The following LETM1 variants were observed in gnomAD, a reference collection of about 807,000 sequenced individuals.
LETM1 encodes leucine zipper and EF-hand containing transmembrane protein 1.
Under a neutral mutation model 74.5 loss-of-function variants are expected in LETM1, and 50 were observed. The observed-to-expected ratio is 0.67, with a 90% confidence interval of 0.53 to 0.85. LETM1 has a LOEUF of 0.85. Among genes scored for constraint, LETM1 ranks in the 40% least tolerant of loss-of-function variants. LETM1 has a pLI of 0.00. For synonymous variants in LETM1, 446 were observed against 407.1 expected, an observed-to-expected ratio of 1.10 and a Z score of -1.15; for missense variants, 824 against 967.8, an observed-to-expected ratio of 0.85 and a Z score of 1.97.
chr4:1,823,686 G>T lies in LETM1; in HGVS notation c.1290C>A (p.Ala430=), dbSNP rs199973293. ...AMYLPDTLSP[A]DQLKSTLQTL... Reference sequence around the variant, plus strand: ...TCTGCAGTGTGGACTTGAGCTGGTCGGCTGGAGAGAGGGTGTCCGGGAGGT... The same window carrying T: ...TCTGCAGTGTGGACTTGAGCTGGTCTGCTGGAGAGAGGGTGTCCGGGAGGT... The change falls in exon 8 of 14, where the codon GCC becomes GCA. Residue 430 remains alanine (A), a synonymous_variant. Transcript: ENST00000302787. 1.9e-6 allele frequency: 3 copies of T among 1,614,006 alleles called. No individual in the cohort carries two copies. The East Asian group carries it at 6.7e-5, about 36-fold the overall frequency.
intron 13 of LETM1, among the ~76,000 whole-genome samples, chr4:1,814,921 C>CA (rs938418878): frequency 3.9e-5 from 6 of 152,182 alleles, no homozygotes; most frequent in African/African-American, 1.4e-4. Flanking sequence ...CCCACTCTGC[C>CA]ACCCAGACTA....
chr4:1,818,437 C>T (rs970358433), intron 11 of LETM1, among the ~76,000 whole-genome samples: 2 of 151,778 alleles, frequency 1.3e-5, no homozygotes, highest in Admixed American at 1.3e-4. Context: ...CATGGTGAAA[C>T]CCTGTCTCTA....
intron 13 of LETM1, among the ~76,000 whole-genome samples, chr4:1,815,413 C>T (rs537268160): frequency 1.3e-5 from 2 of 152,308 alleles, no homozygotes; most frequent in South Asian, 4.1e-4. Flanking sequence ...GGGGCGGGGT[C>T]CAGGGACATG....
At chr4:1,847,093 G>C (rs557473555) in intron 2 of LETM1, among the ~76,000 whole-genome samples, 10 of 152,296 alleles carry the variant, frequency 6.6e-5, no homozygotes, top group African/African-American at 2.4e-4. Context: ...CACTTTGGGA[G>C]GCCAAAGGCA....
intron 11 of LETM1, 86 bp downstream of exon 11, chr4:1,819,252 C>G (rs951694074): frequency 1.5e-6 from 2 of 1,338,886 alleles, no homozygotes; most frequent in Non-Finnish European, 2.0e-6. Context: ...AAGTATCTGA[C>G]GGAAGTATTA....
At position 1,836,443 on chromosome 4, in the gene LETM1, T is replaced by G; in HGVS notation, c.724A>C (p.Thr242Pro). The change falls in exon 4 of 14, where the codon ACT becomes CCT. Residue 242 changes from threonine (T) to proline (P), a missense_variant. Coordinates refer to ENST00000302787, the MANE Select transcript of LETM1 (RefSeq NM_012318.3). The surrounding 1 kb of genome is among the most constrained non-coding windows in gnomAD (Gnocchi z 5.8). ...GCTGCCCTTACCTTGAGTGACTGAG[T>G]CTCAAATGTGGATGGCAACATGTTG... ...FPNMLPSTFE[T>P]QSLKEERLKK... 2 of 1,613,456 alleles carry G rather than the reference T, an allele frequency of 1.2e-6. No individual in the cohort carries two copies. The highest frequency in any genetic ancestry group is 1.7e-6 in the Non-Finnish European group (2 of 1,179,776).
chr4:1,818,269 T>A (rs544423273), intron 11 of LETM1, among the ~76,000 whole-genome samples: 43 of 152,328 alleles, frequency 2.8e-4, no homozygotes, highest in African/African-American at 1.0e-3. Context: ...TTTTTGCCAA[T>A]TGAAAAATCA....
At chr4:1,839,299 C>T (rs1422447478) in intron 3 of LETM1, 1 of 152,194 alleles carries the variant, frequency 6.6e-6, no homozygotes, top group Non-Finnish European at 1.5e-5. Flanking sequence ...ACAACTCACC[C>T]AGAGGGACAC....
chr4:1,840,466 G>A (rs1036271462), intron 3 of LETM1, among the ~76,000 whole-genome samples: 4 of 152,048 alleles, frequency 2.6e-5, no homozygotes, highest in African/African-American at 9.7e-5. Flanking sequence ...AGGAGATCAA[G>A]ACCATTCTGG....
intron 2 of LETM1, among the ~76,000 whole-genome samples, chr4:1,844,346 T>C (rs1400477147): frequency 6.6e-6 from 1 of 152,250 alleles, no homozygotes; most frequent in Non-Finnish European, 1.5e-5. Flanking sequence ...ACAGTTTGCT[T>C]ACCCAAAGTC....
chr4:1,831,655 T>A lies in LETM1; in HGVS notation c.1080+1089A>T, dbSNP rs1386225874. ...TCTCTGACACCATCACCACCAGGGCTGGGGTGCCTGTTGTGTCCCGGCAAG... is the reference window on the plus strand; with the variant it reads ...TCTCTGACACCATCACCACCAGGGCAGGGGTGCCTGTTGTGTCCCGGCAAG... On this transcript the variant is annotated intron_variant, in intron 6 of 13. Coordinates refer to ENST00000302787, the MANE Select transcript of LETM1 (RefSeq NM_012318.3). Among the ~76,000 whole-genome samples the A allele has an allele frequency of 2.6e-5, 4 of 152,232 alleles. No homozygotes were observed. The East Asian group carries it at 7.7e-4, about 29-fold the overall frequency.
In LETM1 at chr4:1,814,441, C is replaced by G. The variant is rs762737209; in HGVS notation, c.2203G>C (p.Ala735Pro). 7 of 1,614,218 alleles carry G rather than the reference C, an allele frequency of 4.3e-6. No individual in the cohort carries two copies. The highest frequency in any genetic ancestry group is 5.9e-6 in the Non-Finnish European group (7 of 1,180,008). ...CAGTGGTTCTAGCTCTTCACCTCTG[C>G]GACCTCCTTCTCTGCCTTCTCTTTG... ...KAKEKAEKEVAEVKS is the reference protein window; with the variant it reads ...KAKEKAEKEVPEVKS The change falls in exon 14 of 14, where the codon GCA (alanine) becomes CCA (proline). Residue 735 changes from alanine (A) to proline (P), a missense_variant. Around this residue, in one of 4 missense-constraint regions of LETM1, gnomAD observed 161 missense variants for 252.7 expected, o/e 0.64. Transcript: ENST00000302787.
Position 1,814,362 on chromosome 4 carries a change from G to A in LETM1, c.*62C>T, listed in dbSNP as rs564370470. 4.3e-6 allele frequency: 7 copies of A among 1,609,320 alleles called. No individual in the cohort carries two copies. The highest frequency in any genetic ancestry group is 1.7e-5 in the Admixed American group (1 of 59,896). ...CACTGAGAATCACCACAAAGCAATC[G>A]CCCTCACGGCCCTTGCCAGGGTGAC... On this transcript the variant is annotated 3_prime_UTR_variant, in exon 14 of 14. Transcript: ENST00000302787.
chr4:1,822,893 A>C, intron 9 of LETM1, 95 bp downstream of exon 9: 2 of 1,138,568 alleles, frequency 1.8e-6, no homozygotes, highest in Non-Finnish European at 2.2e-6. Context: ...CTGCAGGGCA[A>C]GCATGCGGGA....
At position 1,842,443 on chromosome 4, in the gene LETM1, C is replaced by G. The variant is rs114786597; in HGVS notation, c.144-646G>C. Reference sequence around the variant, plus strand: ...GCCCAGAGCCTCACACCTGCCCCCCCGCCTGGACATCCCTAGCTCATGCCC... The same window carrying G: ...GCCCAGAGCCTCACACCTGCCCCCCGGCCTGGACATCCCTAGCTCATGCCC... On this transcript the variant is annotated intron_variant, in intron 2 of 13. Transcript: ENST00000302787. 8.7e-3 allele frequency among the ~76,000 whole-genome samples: 1,319 copies of G among 152,340 alleles called. 8 individuals are homozygous for G. The highest frequency in any genetic ancestry group is 0.014 in the Non-Finnish European group (932 of 68,030).
chr4:1,819,410 C>T lies in LETM1; in HGVS notation c.1671G>A (p.Glu557=), dbSNP rs761600971. The T allele has an allele frequency of 1.2e-6, 2 of 1,614,028 alleles. No individual in the cohort carries two copies. Among genetic ancestry groups the T allele is most frequent in the African/African-American group, 2.7e-5 (2 of 75,026 alleles). ...TCTCCTTGGTGAGTGACTTCTTCTG[C>T]TCCTGCAGCTTAGAGCAGGCATCGC... The part of the protein sequence containing the change: ...ILSDACSKLQ[E]QKKSLTKEKE... Residue 557 remains glutamate, a synonymous_variant, in exon 11 of 14, where the codon GAG becomes GAA. Coordinates refer to ENST00000302787, the MANE Select transcript of LETM1 (RefSeq NM_012318.3).
Position 1,814,656 on chromosome 4 carries a change from G to C in LETM1, c.2071-83C>G, listed in dbSNP as rs1011656313. 5.7e-6 allele frequency: 7 copies of C among 1,236,990 alleles called. No individual in the cohort carries two copies. The African/African-American group carries it at 8.9e-5, about 16-fold the overall frequency. The allele number at this position is 1,236,990 out of a possible 1,614,324, so 76.6% of individuals were successfully genotyped here. A position where few individuals can be genotyped will look rare whatever the true frequency, so the allele number is the denominator to read the frequency against. ...AGAGGCGGGGCCAGCGCCGTCAGTC[G>C]CCCCAGCTGGGGTGGCAGCAGCATG... On this transcript the variant is annotated intron_variant, in intron 13 of 13. Transcript: ENST00000302787.
chr4:1,839,144 C>T (rs114305220), intron 3 of LETM1, among the ~76,000 whole-genome samples: 42 of 152,226 alleles, frequency 2.8e-4, no homozygotes, highest in African/African-American at 9.9e-4. Context: ...AGAATCTTTT[C>T]AGAACCGTGA....
intron 2 of LETM1, chr4:1,843,082 C>G (rs538722300): frequency 1.1e-5 from 3 of 270,286 alleles, no homozygotes; most frequent in African/African-American, 6.9e-5. Flanking sequence ...TGGCCTGACG[C>G]CAGCAGCAAG....
Sources: gnomAD v4.1 joint callset for allele counts (sites outside exome capture counted in the v4.1 genomes callset) on GRCh38, gnomAD v4.1.1 for gene constraint, gnomAD v4.1.1 regional missense constraint, Gnocchi (gnomAD v3.1) non-coding constraint, MANE v1.5 for transcripts, NCBI Gene and HGNC (gene_info 2026-07-23, HGNC 2026-07-21) for gene names.